The following MYO3B variants were observed in gnomAD, a reference collection of about 807,000 sequenced individuals.
MYO3B encodes myosin IIIB.
A neutral mutation model predicts 174.6 loss-of-function variants in MYO3B; 156 were observed. The ratio of observed to expected loss-of-function variants is 0.89; its 90% confidence interval spans 0.78 to 1.02. The LOEUF (loss-of-function observed/expected upper bound fraction) is 1.02, where lower values mean the gene tolerates loss of function less well. Ranked by LOEUF, MYO3B falls within the 50% of genes least tolerant of loss-of-function variation. The pLI is 0.00. For synonymous variants in MYO3B, 563 were observed against 569.1 expected (o/e 0.99, Z 0.15); for missense variants, 1,632 against 1,639.4 (o/e 1.00, Z 0.08).
rs1449694626 is a variant in MYO3B at position 170,236,088 on chromosome 2, C to G, written c.701C>G (p.Pro234Arg). 4.3e-6 allele frequency: 7 copies of G among 1,614,032 alleles called. No individual in the cohort carries two copies. Among genetic ancestry groups the G allele is most frequent in the Non-Finnish European group, 2.5e-6 (3 of 1,179,942 alleles). Residue 234 changes from proline to arginine, a missense_variant, in exon 7 of 35, where the codon CCT (proline) becomes CGT (arginine). Physicochemically the swap from Pro to Arg is moderately radical, Grantham distance 103. Transcript: ENST00000408978. ...ITAIELGDGD[P>R]PLFDMHPVKT... ...GCTATTGAACTGGGGGATGGAGACC[C>G]TCCCCTCTTTGACATGCATCCTGTG...
At chr2:170,316,981 G>A (rs1410285135) in intron 7 of MYO3B, among the ~76,000 whole-genome samples, 2 of 152,160 alleles carry the variant, frequency 1.3e-5, no homozygotes, top group African/African-American at 4.8e-5. Flanking sequence ...GCCATTGGAT[G>A]GAAACATGAG....
At chr2:170,264,380 A>G (rs150316900) in intron 7 of MYO3B, among the ~76,000 whole-genome samples, 83 of 152,330 alleles carry the variant, frequency 5.4e-4, no homozygotes, top group Middle Eastern at 3.4e-3. Flanking sequence ...CTCTCCCAGT[A>G]CAGGAAAGCA....
intron 1 of MYO3B, among the ~76,000 whole-genome samples, chr2:170,191,318 C>T (rs2092537498): frequency 6.6e-6 from 1 of 152,050 alleles, no homozygotes; most frequent in Non-Finnish European, 1.5e-5. Flanking sequence ...GGCACAAATA[C>T]TCCCTTGGCT....
chr2:170,618,158 T>G (rs758333841), intron 32 of MYO3B, among the ~76,000 whole-genome samples: 7 of 152,178 alleles, frequency 4.6e-5, no homozygotes, highest in Non-Finnish European at 1.0e-4. Context: ...AGGGGTTCCT[T>G]CTTCTGAAGG....
At chr2:170,395,351 T>G (rs1297661188) in intron 16 of MYO3B, among the ~76,000 whole-genome samples, 1 of 152,250 alleles carries the variant, frequency 6.6e-6, no homozygotes, top group Non-Finnish European at 1.5e-5. Flanking sequence ...AATTGGGTTT[T>G]AGATATGTTT....
intron 23 of MYO3B, among the ~76,000 whole-genome samples, chr2:170,456,614 C>A (rs1683923290): frequency 6.6e-6 from 1 of 152,220 alleles, no homozygotes; most frequent in African/African-American, 2.4e-5. Context: ...GATCTCCTTG[C>A]TGAGTTGCAT....
At chr2:170,447,443 C>A (rs916292635) in intron 23 of MYO3B, among the ~76,000 whole-genome samples, 14 of 152,044 alleles carry the variant, frequency 9.2e-5, no homozygotes, top group African/African-American at 3.1e-4. Flanking sequence ...AAATAGGGAG[C>A]GCTAACTAAG....
chr2:170,319,808 G>T (rs1446005627), intron 7 of MYO3B, among the ~76,000 whole-genome samples: 1 of 152,168 alleles, frequency 6.6e-6, no homozygotes, highest in African/African-American at 2.4e-5. Context: ...TGCAAGGGAA[G>T]GTCAGTATGA....
chr2:170,269,735 T>C (rs1419414837), intron 7 of MYO3B, among the ~76,000 whole-genome samples: 1 of 152,144 alleles, frequency 6.6e-6, no homozygotes, highest in African/African-American at 2.4e-5. Context: ...ATAAATTCTG[T>C]GGAATAAAAT....
intron 7 of MYO3B, among the ~76,000 whole-genome samples, chr2:170,262,985 TC>T (rs1381669373): frequency 6.6e-6 from 1 of 152,210 alleles, no homozygotes; most frequent in Non-Finnish European, 1.5e-5. Context: ...GATCATTTGA[TC>T]ATTGCATCAT....
chr2:170,322,983 A>C (rs1341881284), intron 7 of MYO3B, among the ~76,000 whole-genome samples: 2 of 152,220 alleles, frequency 1.3e-5, no homozygotes, highest in Non-Finnish European at 2.9e-5. Context: ...ATATAATGCT[A>C]ACTTTATGGA....
chr2:170,653,754 G>T lies in MYO3B; in HGVS notation c.*633G>T, dbSNP rs1485632215. The T allele has an allele frequency of 6.6e-6, 1 of 152,182 alleles. No homozygotes were observed. Among genetic ancestry groups the T allele is most frequent in the East Asian group, 1.9e-4 (1 of 5,194 alleles). 9.4% of individuals were successfully genotyped at this position (152,182 alleles called of 1,614,324 possible). A position where few individuals can be genotyped will look rare whatever the true frequency, so the allele number is the denominator to read the frequency against. On this transcript the variant is annotated 3_prime_UTR_variant, in exon 35 of 35. Transcript: ENST00000408978. ...AAATAACCCCTCTCTTGTTAATTAT[G>T]ATGCTGAGAAAGCCTCTGTCTCTTT... is the stretch of plus-strand genomic sequence containing the variant.
Position 170,214,364 on chromosome 2 carries a change from C to T in MYO3B, c.322-15C>T, listed in dbSNP as rs2092804789. 6.2e-7 allele frequency: 1 copy of T among 1,607,896 alleles called. No individual in the cohort carries two copies. The highest frequency in any genetic ancestry group is 1.3e-5 in the African/African-American group (1 of 74,706). On this transcript the variant is annotated splice_polypyrimidine_tract_variant and intron_variant, in intron 3 of 34. Transcript: ENST00000408978. ...GGTCTCCTGCTCTCCCTGTGTCTGG[C>T]ACCTCTTCTTGCAGCTGTGTAATGG...
At chr2:170,513,679 T>A (rs1408500029) in intron 28 of MYO3B, among the ~76,000 whole-genome samples, 1 of 152,216 alleles carries the variant, frequency 6.6e-6, no homozygotes, top group Non-Finnish European at 1.5e-5. Context: ...TTCATATCTT[T>A]AATCTCTTCT....
chr2:170,552,715 G>A (rs1690998971), intron 32 of MYO3B, among the ~76,000 whole-genome samples: 3 of 152,184 alleles, frequency 2.0e-5, no homozygotes, highest in Admixed American at 2.0e-4. Context: ...TGAGTAAAGA[G>A]GACCTGAATG....
chr2:170,598,625 C>G (rs1694297785), intron 32 of MYO3B, among the ~76,000 whole-genome samples: 1 of 152,110 alleles, frequency 6.6e-6, no homozygotes, highest in South Asian at 2.1e-4. Context: ...TCCATTGAGA[C>G]CACATGTGGT....
At chr2:170,390,126 A>G (rs543410052) in intron 14 of MYO3B, among the ~76,000 whole-genome samples, 15 of 152,334 alleles carry the variant, frequency 9.8e-5, no homozygotes, top group African/African-American at 3.6e-4. Context: ...AATATACACA[A>G]TAAAATTTAT....
intron 32 of MYO3B, among the ~76,000 whole-genome samples, chr2:170,545,034 G>A (rs1690388805): frequency 6.6e-6 from 1 of 152,142 alleles, no homozygotes; most frequent in African/African-American, 2.4e-5. Context: ...TTTAATTGGA[G>A]TGTTTAGATC....
intron 7 of MYO3B, among the ~76,000 whole-genome samples, chr2:170,252,144 C>T (rs1202349540): frequency 6.6e-6 from 1 of 152,176 alleles, no homozygotes; most frequent in Non-Finnish European, 1.5e-5. Context: ...AATGCACTTA[C>T]CTGAAGATCA....
Sources: allele counts gnomAD v4.1 joint callset (sites outside exome capture counted in the v4.1 genomes callset), GRCh38; gene constraint gnomAD v4.1.1; transcripts MANE v1.5; gene names NCBI Gene and HGNC (gene_info 2026-07-23, HGNC 2026-07-21).